The following CDKL2 variants were observed in gnomAD, a reference collection of about 807,000 sequenced individuals.
CDKL2 encodes the protein cyclin-dependent kinase-like 2.
CDKL2 carries 64 observed loss-of-function variants against 63.9 expected under a neutral mutation model. That is an observed-to-expected ratio of 1.00 (90% CI 0.82 to 1.23). The LOEUF is 1.23. CDKL2 is among the 50% of genes most tolerant of loss of function. The probability of loss-of-function intolerance (pLI) is 0.00; values close to 1 mark genes in which losing one functional copy is unlikely to be tolerated. For missense variants in CDKL2, 656 were observed against 668.0 expected, an observed-to-expected ratio of 0.98 and a Z score of 0.20; for synonymous variants, 211 against 229.2, an observed-to-expected ratio of 0.92 and a Z score of 0.72.
At chr4:75,580,770 G>A (rs1325773080) in intron 13 of CDKL2, among the ~76,000 whole-genome samples, 1 of 145,162 alleles carries the variant, frequency 6.9e-6, no homozygotes, top group Non-Finnish European at 1.5e-5. Flanking sequence ...GCGCGATCTC[G>A]GCTCACTGCA....
rs765202619 is a variant in CDKL2, at chr4:75,596,994, T to C, written c.1263A>G (p.Ala421=). The change falls in exon 9 of 14, where the codon GCA becomes GCG. Residue 421 remains alanine, a synonymous_variant. Coordinates refer to ENST00000307465, the MANE Select transcript of CDKL2 (RefSeq NM_001330724.2). The part of the protein sequence containing the change: ...AIPPLTHNLS[A]VAPSINSGMG... ...TTCCAGAATTAATGCTGGGAGCAACTGCAGAAAGATTGTGTGTAAGTGGGG... is the reference window on the plus strand; with the variant it reads ...TTCCAGAATTAATGCTGGGAGCAACCGCAGAAAGATTGTGTGTAAGTGGGG... The C allele has an allele frequency of 1.2e-6, 2 of 1,614,120 alleles. No individual in the cohort carries two copies. Among genetic ancestry groups the C allele is most frequent in the East Asian group, 2.2e-5 (1 of 44,902 alleles).
rs550476026 is a variant in CDKL2, at chr4:75,611,835, G to A, written c.363+2420C>T. 4.4e-4 allele frequency among the ~76,000 whole-genome samples: 67 copies of A among 151,688 alleles called. No individual in the cohort carries two copies. In the East Asian group the frequency reaches 0.012, roughly 28 times the overall value. ...ACGCCCAGCTAATTTTGTATTTTTA[G>A]TAGAGACGGGGTTTCACCATGTTGG... On this transcript the variant is annotated intron_variant, in intron 3 of 13. Transcript: ENST00000307465.
chr4:75,616,191 C>A (rs531759906), intron 2 of CDKL2, among the ~76,000 whole-genome samples: 2 of 151,498 alleles, frequency 1.3e-5, no homozygotes, highest in East Asian at 3.9e-4. Flanking sequence ...GTAATCCCAG[C>A]GCTTTGGGAG....
chr4:75,595,947 A>T, intron 10 of CDKL2: 1 of 293,336 alleles, frequency 3.4e-6, no homozygotes, highest in Non-Finnish European at 6.2e-6. Flanking sequence ...GAAAAGAAAA[A>T]GAAAGAGAGG....
At chr4:75,606,187 A>G (rs1400622773) in intron 4 of CDKL2, among the ~76,000 whole-genome samples, 1 of 151,372 alleles carries the variant, frequency 6.6e-6, no homozygotes. Flanking sequence ...TACAGTAACA[A>G]TGAAGAGAAC....
chr4:75,596,942 C>T lies in CDKL2; in HGVS notation c.1315G>A (p.Gly439Ser). 6.2e-7 allele frequency: 1 copy of T among 1,608,572 alleles called. No individual in the cohort carries two copies. Reference protein sequence around the residue: ...GMGTETIPIQGYRVDEKTKKC... With the variant: ...GMGTETIPIQSYRVDEKTKKC... ...TATTTTACTAATTCATACCTGTAACCCTGAATTGGTATAGTCTCAGTCCCC... is the reference window on the plus strand; with the variant it reads ...TATTTTACTAATTCATACCTGTAACTCTGAATTGGTATAGTCTCAGTCCCC... Residue 439 changes from glycine to serine, a missense_variant, in exon 9 of 14, where the codon GGT (glycine) becomes AGT (serine). By Grantham distance (56) the Gly-to-Ser change is moderately conservative. Coordinates refer to ENST00000307465, the MANE Select transcript of CDKL2 (RefSeq NM_001330724.2).
intron 3 of CDKL2, among the ~76,000 whole-genome samples, chr4:75,610,553 G>A (rs1729645170): frequency 6.6e-6 from 1 of 151,928 alleles, no homozygotes; most frequent in Non-Finnish European, 1.5e-5. Context: ...ATGATACCTA[G>A]TAATTTCAGT....
intron 8 of CDKL2, 28 bp from the exon 9 acceptor site, chr4:75,597,264 G>A: frequency 7.1e-7 from 1 of 1,401,050 alleles, no homozygotes; most frequent in Non-Finnish European, 1.0e-6. Context: ...TATTAATAAG[G>A]TTAATGATCT....
rs1468758692 is a variant in CDKL2, at chr4:75,578,534, A to C, written c.*668T>G. On this transcript the variant is annotated 3_prime_UTR_variant, in exon 14 of 14. Transcript: ENST00000307465. Reference sequence around the variant, plus strand: ...CAGGGAGGCCAGAGTCTCATAATACACTGATAGAATATCAAAAATAATTAC... The same window carrying C: ...CAGGGAGGCCAGAGTCTCATAATACCCTGATAGAATATCAAAAATAATTAC... 6.6e-6 allele frequency: 1 copy of C among 152,216 alleles called. No homozygotes were observed. Among genetic ancestry groups the C allele is most frequent in the Non-Finnish European group, 1.5e-5 (1 of 68,042 alleles). The allele number at this position is 152,216 out of a possible 1,614,324, so 9.4% of individuals were successfully genotyped here.
At position 75,586,509 on chromosome 4, in the gene CDKL2, C is replaced by T. The variant is rs55797030; in HGVS notation, c.1648-4611G>A. On this transcript the variant is annotated intron_variant, in intron 12 of 13. Transcript: ENST00000307465. ...CCTCCCAAAGTGCTGGGATTACAGG[C>T]GTGAGCCACTGCGCCCAGCCTGGAC... is the stretch of plus-strand genomic sequence containing the variant. Among the ~76,000 whole-genome samples the T allele has an allele frequency of 4.0e-3, 613 of 152,124 alleles. 1 individual carries two copies. Among genetic ancestry groups the T allele is most frequent in the African/African-American group, 0.014 (564 of 41,510 alleles).
chr4:75,618,389 G>T (rs920059032), intron 2 of CDKL2, among the ~76,000 whole-genome samples: 2 of 150,848 alleles, frequency 1.3e-5, no homozygotes, highest in African/African-American at 2.4e-5. Flanking sequence ...CGAATAGCTG[G>T]GATTACAGAC....
intron 2 of CDKL2, 44 bp from the exon 3 acceptor site, chr4:75,614,493 AATAGTTTAT>A: frequency 8.1e-7 from 1 of 1,227,784 alleles, no homozygotes; most frequent in Non-Finnish European, 1.2e-6. Context: ...AAAAATGCAA[AATAGTTTAT>A]ATAAACTAAG....
At chr4:75,593,283 C>G (rs2148870237) in intron 10 of CDKL2, among the ~76,000 whole-genome samples, 1 of 151,444 alleles carries the variant, frequency 6.6e-6, no homozygotes, top group South Asian at 2.1e-4. Flanking sequence ...GTTTAAACTA[C>G]CAGATTAACA....
intron 10 of CDKL2, among the ~76,000 whole-genome samples, chr4:75,593,710 A>G (rs1240823092): frequency 6.6e-6 from 1 of 152,214 alleles, no homozygotes; most frequent in Non-Finnish European, 1.5e-5. Context: ...AATATCCACA[A>G]AGAAACCAAA....
chr4:75,611,691 G>C (rs1408564805), intron 3 of CDKL2, among the ~76,000 whole-genome samples: 1 of 98,418 alleles, frequency 1.0e-5, no homozygotes, highest in Non-Finnish European at 2.0e-5. Context: ...TTTCGTTCTT[G>C]TTGCCCAGGC....
At chr4:75,607,793 A>G (rs1729487676) in intron 3 of CDKL2, among the ~76,000 whole-genome samples, 1 of 152,100 alleles carries the variant, frequency 6.6e-6, no homozygotes. Context: ...GGAAATGGGG[A>G]TAGATAAGAG....
intron 9 of CDKL2, 92 bp from the exon 10 acceptor site, chr4:75,596,432 G>T (rs1289515182): frequency 1.4e-6 from 1 of 738,716 alleles, no homozygotes; most frequent in Non-Finnish European, 2.4e-6. Context: ...CAACTAACAA[G>T]CAGTTTAACC....
intron 2 of CDKL2, among the ~76,000 whole-genome samples, chr4:75,619,918 C>T (rs965314754): frequency 6.6e-6 from 1 of 152,120 alleles, no homozygotes; most frequent in African/African-American, 2.4e-5. Flanking sequence ...GGCGTGGTGG[C>T]TCCCGCCTAT....
At chr4:75,591,069 A>G (rs1275524798) in intron 12 of CDKL2, among the ~76,000 whole-genome samples, 6 of 152,228 alleles carry the variant, frequency 3.9e-5, no homozygotes, top group Admixed American at 3.3e-4. Context: ...ACTATATGGA[A>G]TAGCAAATCT....
Sources: gnomAD v4.1 joint callset for allele counts (sites outside exome capture counted in the v4.1 genomes callset) on GRCh38, gnomAD v4.1.1 for gene constraint, MANE v1.5 for transcripts, NCBI Gene and HGNC (gene_info 2026-07-23, HGNC 2026-07-21) for gene names.